The following CD59 variants were observed in gnomAD, a reference collection of about 807,000 sequenced individuals.
CD59 encodes CD59 glycoprotein.
A neutral mutation model predicts 7.0 loss-of-function variants in CD59; 3 were observed. The observed-to-expected ratio is 0.43, with a 90% confidence interval of 0.19 to 1.10. The LOEUF (loss-of-function observed/expected upper bound fraction) is 1.10, where lower values mean the gene tolerates loss of function less well. Ranked by LOEUF, CD59 falls within the 50% of genes least tolerant of loss-of-function variation. CD59 has a pLI of 0.29. For missense variants in CD59, 143 were observed against 151.0 expected (o/e 0.95, Z 0.28); for synonymous variants, 60 against 62.0 (o/e 0.97, Z 0.15).
In CD59 at chr11:33,710,136, A is replaced by G; in HGVS notation, c.377T>C (p.Leu126Pro). 1 of 1,612,416 alleles carries G rather than the reference A, an allele frequency of 6.2e-7. No individual in the cohort carries two copies. Among genetic ancestry groups the G allele is most frequent in the Non-Finnish European group, 8.5e-7 (1 of 1,179,064 alleles). The change falls in exon 4 of 4, where the codon CTT becomes CCT. Residue 126 changes from leucine to proline, a missense_variant. By Grantham distance (98) the Leu-to-Pro change is moderately conservative (BLOSUM62 -3). Coordinates refer to ENST00000642928, the MANE Select transcript of CD59 (RefSeq NM_000611.6). ...TCTCCTGGTGTTGACTTAGGGATGAAGGCTCCAGGCTGCTGCCAGAAATGG... is the reference window on the plus strand; with the variant it reads ...TCTCCTGGTGTTGACTTAGGGATGAGGGCTCCAGGCTGCTGCCAGAAATGG... Reference protein sequence around the residue: ...VTPFLAAAWSLHP With the variant: ...VTPFLAAAWSPHP
chr11:33,725,626 A>AAT (rs1854234100), intron 1 of CD59, among the ~76,000 whole-genome samples: 1 of 152,184 alleles, frequency 6.6e-6, no homozygotes, highest in African/African-American at 2.4e-5. Flanking sequence ...GTTGACTCTA[A>AAT]AGTCATTTCC....
intron 1 of CD59, among the ~76,000 whole-genome samples, chr11:33,735,676 G>A (rs1165733512): frequency 6.6e-6 from 1 of 152,148 alleles, no homozygotes; most frequent in African/African-American, 2.4e-5. Context: ...CCAACACTTT[G>A]GGAGGCGGAG....
intron 1 of CD59, among the ~76,000 whole-genome samples, chr11:33,726,557 T>C (rs1383448011): frequency 6.6e-6 from 1 of 152,174 alleles, no homozygotes; most frequent in East Asian, 1.9e-4. Flanking sequence ...TAGCACTAAA[T>C]GCCCACAAGA....
intron 3 of CD59, among the ~76,000 whole-genome samples, chr11:33,713,924 G>A (rs1175017460): frequency 3.3e-5 from 5 of 152,002 alleles, no homozygotes; most frequent in Non-Finnish European, 5.9e-5. Context: ...TGAAGACTTC[G>A]GCTCAAGTCT....
chr11:33,724,075 C>T (rs375482008), intron 1 of CD59, among the ~76,000 whole-genome samples: 107 of 152,322 alleles, frequency 7.0e-4, no homozygotes, highest in African/African-American at 2.4e-3. Flanking sequence ...TGCCACTGCA[C>T]TCCAGCCTGG....
rs1040263832 is a variant in CD59 at position 33,707,104 on chromosome 11, G to A, written c.*3022C>T. 6.6e-6 allele frequency: 1 copy of A among 152,222 alleles called. No individual in the cohort carries two copies. Among genetic ancestry groups the A allele is most frequent in the Non-Finnish European group, 1.5e-5 (1 of 68,072 alleles). 9.4% of individuals were successfully genotyped at this position (152,222 alleles called of 1,614,324 possible). On this transcript the variant is annotated 3_prime_UTR_variant, in exon 4 of 4. Transcript: ENST00000642928. ...GCTTAGAATCCTGTACCAGAAAGCT[G>A]CCCTCATCACAATGAATGTCAGTCA...
intron 3 of CD59, among the ~76,000 whole-genome samples, chr11:33,710,902 C>A (rs1389846187): frequency 6.6e-6 from 1 of 151,396 alleles, no homozygotes; most frequent in African/African-American, 2.4e-5. Context: ...CAGAAAAAAA[C>A]CTGAAAAACC....
At chr11:33,729,972 A>G (rs189963424) in intron 1 of CD59, among the ~76,000 whole-genome samples, 1 of 152,264 alleles carries the variant, frequency 6.6e-6, no homozygotes, top group East Asian at 1.9e-4. Context: ...ATTGGAAAAT[A>G]TTTTGGAGAT....
intron 1 of CD59, among the ~76,000 whole-genome samples, chr11:33,724,537 A>C (rs1854194909): frequency 6.6e-6 from 1 of 152,260 alleles, no homozygotes; most frequent in Non-Finnish European, 1.5e-5. Context: ...CAAAGATGGC[A>C]CTCAAAAAGC....
chr11:33,710,374 G>C lies in CD59; in HGVS notation c.170-31C>G, dbSNP rs920430888. The C allele has an allele frequency of 6.5e-6, 10 of 1,546,336 alleles. No individual in the cohort carries two copies. The African/African-American group carries it at 1.2e-4, about 19-fold the overall frequency. On this transcript the variant is annotated intron_variant, in intron 3 of 3. Coordinates refer to ENST00000642928, the MANE Select transcript of CD59 (RefSeq NM_000611.6). ...GGGAGACACACACAAGGGTAAGAAAGTAAGTGGGAAGAGTTCTGTATCTGC... is the reference window on the plus strand; with the variant it reads ...GGGAGACACACACAAGGGTAAGAAACTAAGTGGGAAGAGTTCTGTATCTGC...
rs1034108056 is a variant in CD59, at chr11:33,704,547, CAA to C, written c.*5577_*5578del. On this transcript the variant is annotated 3_prime_UTR_variant, in exon 4 of 4. Transcript: ENST00000642928. ...CTGAGGACATAATGATAAACACACA[CAA>C]GAGGCTACTGTGTCCCAGGCACTTG... 2.0e-5 allele frequency: 3 copies of C among 152,186 alleles called. No homozygotes were observed. Among genetic ancestry groups the C allele is most frequent in the African/African-American group, 7.2e-5 (3 of 41,440 alleles). The allele number at this position is 152,186 out of a possible 1,614,324, so 9.4% of individuals were successfully genotyped here. A position where few individuals can be genotyped will look rare whatever the true frequency, so the allele number is the denominator to read the frequency against.
chr11:33,726,650 T>TAACAGACGACA (rs1447037296), intron 1 of CD59, among the ~76,000 whole-genome samples: 26 of 152,194 alleles, frequency 1.7e-4, no homozygotes, highest in African/African-American at 5.8e-4. Flanking sequence ...ATTCAAAAGC[T>TAACAGACGACA]AACAGACGAC....
rs11032360 is a variant in CD59 at position 33,733,399 on chromosome 11, T to C, written c.-19+2983A>G. 17,093 of 152,238 alleles carry C rather than the reference T, an allele frequency of 0.11. 1,430 individuals are homozygous for C. The highest frequency in any genetic ancestry group is 0.23 in the African/African-American group (9,365 of 41,506). 9.4% of individuals were successfully genotyped at this position (152,238 alleles called of 1,614,324 possible). Reference sequence around the variant, plus strand: ...TGGGAGGCTGAGGCGGGTGGATCACTTGAGGCCAGGAGTTCCAGACCAGCC... The same window carrying C: ...TGGGAGGCTGAGGCGGGTGGATCACCTGAGGCCAGGAGTTCCAGACCAGCC... On this transcript the variant is annotated intron_variant, in intron 1 of 3. Transcript: ENST00000642928.
chr11:33,726,497 G>A (rs576027127), intron 1 of CD59, among the ~76,000 whole-genome samples: 4 of 152,258 alleles, frequency 2.6e-5, no homozygotes, highest in South Asian at 2.1e-4. Flanking sequence ...AAGACACGAC[G>A]TACCAGAATC....
chr11:33,722,282 C>T lies in CD59; in HGVS notation c.67+97G>A, dbSNP rs1051822580. ...CACTGGAAGGCAAAAGAACCAAAGCCAGGCCTGGAGGAGCAGCTGGGGCTG... is the reference window on the plus strand; with the variant it reads ...CACTGGAAGGCAAAAGAACCAAAGCTAGGCCTGGAGGAGCAGCTGGGGCTG... On this transcript the variant is annotated intron_variant, in intron 2 of 3. Coordinates refer to ENST00000642928, the MANE Select transcript of CD59 (RefSeq NM_000611.6). The T allele has an allele frequency of 6.6e-6, 6 of 910,820 alleles. 1 individual carries two copies. The South Asian group carries it at 7.9e-5, about 12-fold the overall frequency. 56.4% of individuals were successfully genotyped at this position (910,820 alleles called of 1,614,324 possible).
rs1445834660 is a variant in CD59, at chr11:33,703,956, G to C, written c.*6170C>G. 1 of 152,226 alleles carries C rather than the reference G, an allele frequency of 6.6e-6. No individual in the cohort carries two copies. The highest frequency in any genetic ancestry group is 6.5e-5 in the Admixed American group (1 of 15,288). The allele number at this position is 152,226 out of a possible 1,614,324, so 9.4% of individuals were successfully genotyped here. Reference sequence around the variant, plus strand: ...GAGGGCCTGGAGTACCTGAGGTGCTGTTTGCCGGGTTCCCTTGGTCCTCAG... The same window carrying C: ...GAGGGCCTGGAGTACCTGAGGTGCTCTTTGCCGGGTTCCCTTGGTCCTCAG... On this transcript the variant is annotated 3_prime_UTR_variant, in exon 4 of 4. Transcript: ENST00000642928.
At position 33,708,317 on chromosome 11, in the gene CD59, C is replaced by T. The variant is rs1172482396; in HGVS notation, c.*1809G>A. ...CTCAGATTTTGCTTTAGAGGACTACCTTCTTCCCAGTGTAGTCTGGCCAAA... is the reference window on the plus strand; with the variant it reads ...CTCAGATTTTGCTTTAGAGGACTACTTTCTTCCCAGTGTAGTCTGGCCAAA... On this transcript the variant is annotated 3_prime_UTR_variant, in exon 4 of 4. Transcript: ENST00000642928. The T allele has an allele frequency of 1.3e-5, 2 of 152,138 alleles. No homozygotes were observed. Among genetic ancestry groups the T allele is most frequent in the Non-Finnish European group, 2.9e-5 (2 of 68,052 alleles). 9.4% of individuals were successfully genotyped at this position (152,138 alleles called of 1,614,324 possible).
rs114518661 is a variant in CD59, at chr11:33,704,682, T to C, written c.*5444A>G. The C allele has an allele frequency of 3.8e-4, 58 of 152,386 alleles. No individual in the cohort carries two copies. Among genetic ancestry groups the C allele is most frequent in the African/African-American group, 1.4e-3 (57 of 41,542 alleles). 9.4% of individuals were successfully genotyped at this position (152,386 alleles called of 1,614,324 possible). A position where few individuals can be genotyped will look rare whatever the true frequency, so the allele number is the denominator to read the frequency against. On this transcript the variant is annotated 3_prime_UTR_variant, in exon 4 of 4. Transcript: ENST00000642928. Reference sequence around the variant, plus strand: ...AGTAACTTGCCTGAGGGTCGCCGATTAGCATCAGAGCCGGCATTTCAAATA... The same window carrying C: ...AGTAACTTGCCTGAGGGTCGCCGATCAGCATCAGAGCCGGCATTTCAAATA...
intron 1 of CD59, among the ~76,000 whole-genome samples, chr11:33,725,269 C>T (rs906345578): frequency 1.4e-5 from 2 of 143,940 alleles, no homozygotes; most frequent in Non-Finnish European, 3.0e-5. Flanking sequence ...TAGACTAAAA[C>T]ACCCTCCATT....
Sources: gnomAD v4.1 joint callset for allele counts (sites outside exome capture counted in the v4.1 genomes callset) on GRCh38, gnomAD v4.1.1 for gene constraint, MANE v1.5 for transcripts, NCBI Gene and HGNC (gene_info 2026-07-23, HGNC 2026-07-21) for gene names.